Variants in OSBPL10 observed in about 807,000 individuals in gnomAD.
OSBPL10 encodes oxysterol binding protein like 10.
OSBPL10 carries 49 observed loss-of-function variants against 81.7 expected under a neutral mutation model. That is an observed-to-expected ratio of 0.60 (90% CI 0.48 to 0.76). The LOEUF is 0.76. Among genes scored for constraint, OSBPL10 ranks in the 30% least tolerant of loss-of-function variants. The pLI is 0.00. For missense variants in OSBPL10, 923 were observed against 987.8 expected (o/e 0.93, Z 0.88); for synonymous variants, 419 against 383.6 (o/e 1.09, Z -1.08).
chr3:31,802,273 T>C (rs1301340286), intron 4 of OSBPL10, among the ~76,000 whole-genome samples: 1 of 150,918 alleles, frequency 6.6e-6, no homozygotes, highest in East Asian at 2.0e-4. Context: ...AAGAATTCTC[T>C]GGGGCTGGGC....
chr3:31,799,693 A>G (rs1048866332), intron 4 of OSBPL10, among the ~76,000 whole-genome samples: 6 of 152,148 alleles, frequency 3.9e-5, no homozygotes, highest in African/African-American at 1.4e-4. Context: ...AACTTAACCT[A>G]TTTGCTTCAA....
chr3:31,917,363 A>G (rs937971568), intron 1 of OSBPL10, among the ~76,000 whole-genome samples: 3 of 152,142 alleles, frequency 2.0e-5, no homozygotes, highest in African/African-American at 7.2e-5. Context: ...GAAAAATGAA[A>G]AGAATAAATC....
At chr3:31,892,452 G>A (rs574090828) in intron 1 of OSBPL10, among the ~76,000 whole-genome samples, 39 of 152,250 alleles carry the variant, frequency 2.6e-4, no homozygotes, top group Admixed American at 2.2e-3. Flanking sequence ...GGTGGGAGCA[G>A]AGGGAGCAGA....
At chr3:31,992,189 AG>A in intron 2 of OSBPL10, among the ~76,000 whole-genome samples, 1 of 152,206 alleles carries the variant, frequency 6.6e-6, no homozygotes, top group Middle Eastern at 3.4e-3. Flanking sequence ...GTAGGCAAAA[AG>A]TATGGACACA....
At chr3:31,903,923 G>C (rs988394999) in intron 1 of OSBPL10, among the ~76,000 whole-genome samples, 1 of 152,162 alleles carries the variant, frequency 6.6e-6, no homozygotes, top group African/African-American at 2.4e-5. Context: ...AGTCAAGGTG[G>C]ATTTCTACTA....
At chr3:31,836,790 C>T (rs1700366300) in intron 3 of OSBPL10, among the ~76,000 whole-genome samples, 2 of 152,162 alleles carry the variant, frequency 1.3e-5, no homozygotes, top group Non-Finnish European at 2.9e-5. Flanking sequence ...CCATCCACAC[C>T]ATTTGCTTGG....
chr3:31,848,345 C>G (rs1035795694), intron 3 of OSBPL10, among the ~76,000 whole-genome samples: 2 of 151,590 alleles, frequency 1.3e-5, no homozygotes, highest in Non-Finnish European at 2.9e-5. Context: ...ACAAGCCCCC[C>G]CCAGTTAGTT....
In OSBPL10 at chr3:31,826,742, C is replaced by T. The variant is rs558278539; in HGVS notation, c.729+3298G>A. 1.3e-4 allele frequency among the ~76,000 whole-genome samples: 20 copies of T among 152,266 alleles called. No homozygotes were observed. In the South Asian group the frequency reaches 3.3e-3, roughly 25 times the overall value. ...CTTTATGCTCTGAAATTAATAACTGCGGAACTTTCTACTATGAGTGCAATT... is the reference window on the plus strand; with the variant it reads ...CTTTATGCTCTGAAATTAATAACTGTGGAACTTTCTACTATGAGTGCAATT... On this transcript the variant is annotated intron_variant, in intron 4 of 11. Transcript: ENST00000396556.
intron 1 of OSBPL10, among the ~76,000 whole-genome samples, chr3:31,914,814 C>G (rs1409684386): frequency 6.6e-6 from 1 of 152,178 alleles, no homozygotes; most frequent in Non-Finnish European, 1.5e-5. Flanking sequence ...TTCAAGCACT[C>G]AATAGCCACA....
At chr3:31,858,836 G>T (rs1470780775) in intron 3 of OSBPL10, among the ~76,000 whole-genome samples, 1 of 152,116 alleles carries the variant, frequency 6.6e-6, no homozygotes, top group Non-Finnish European at 1.5e-5. Context: ...AAACTTTTAG[G>T]GGGAAAGTCA....
chr3:31,683,617 C>A lies in OSBPL10; in HGVS notation c.1726+17G>T, dbSNP rs766225348. 2 of 1,599,660 alleles carry A rather than the reference C, an allele frequency of 1.3e-6. No homozygotes were observed. Among genetic ancestry groups the A allele is most frequent in the Non-Finnish European group, 1.7e-6 (2 of 1,169,068 alleles). ...TCACTGTGTAAGAGCCAAACTCCAA[C>A]ATACGACATGGCTTACCTTCCCCTA... On this transcript the variant is annotated intron_variant, in intron 8 of 11. Transcript: ENST00000396556.
chr3:31,834,560 C>T (rs1700323426), intron 3 of OSBPL10, among the ~76,000 whole-genome samples: 1 of 152,210 alleles, frequency 6.6e-6, no homozygotes, highest in Non-Finnish European at 1.5e-5. Context: ...TCCCTACATT[C>T]TCATTGAATG....
chr3:31,728,599 G>C (rs78049481), intron 6 of OSBPL10, among the ~76,000 whole-genome samples: 6,025 of 152,254 alleles, frequency 0.04, 410 homozygotes, highest in African/African-American at 0.14. Flanking sequence ...GCCTTAGAAT[G>C]ATTCACATAA....
At chr3:31,912,547 G>T (rs1473608525) in intron 1 of OSBPL10, among the ~76,000 whole-genome samples, 3 of 152,066 alleles carry the variant, frequency 2.0e-5, no homozygotes, top group Non-Finnish European at 4.4e-5. Context: ...GTAAGTTAAG[G>T]CACCCAAGAA....
Position 31,664,143 on chromosome 3 carries a change from C to A in OSBPL10, c.2186G>T (p.Arg729Leu). Reference protein sequence around the residue: ...EQKRHLEEKQRVEERKRENLR... With the variant: ...EQKRHLEEKQLVEERKRENLR... ...GTTCTCGCGCTTCCGTTCCTCCACCCGTTGCTTCTCCTCCAGGTGCCGCTT... is the reference window on the plus strand; with the variant it reads ...GTTCTCGCGCTTCCGTTCCTCCACCAGTTGCTTCTCCTCCAGGTGCCGCTT... Residue 729 changes from arginine to leucine, a missense_variant, in exon 11 of 12, where the codon CGG (arginine) becomes CTG (leucine). Transcript: ENST00000396556. The A allele has an allele frequency of 6.2e-7, 1 of 1,613,914 alleles. No individual in the cohort carries two copies. The highest frequency in any genetic ancestry group is 8.5e-7 in the Non-Finnish European group (1 of 1,180,026).
At chr3:31,796,559 C>G (rs1699217505) in intron 4 of OSBPL10, among the ~76,000 whole-genome samples, 1 of 152,120 alleles carries the variant, frequency 6.6e-6, no homozygotes, top group African/African-American at 2.4e-5. Flanking sequence ...TGCCCCTTTC[C>G]TCTATAAGTC....
chr3:32,060,438 C>A lies in OSBPL10; in HGVS notation n.186-13835G>T, dbSNP rs568525496. Among the ~76,000 whole-genome samples the A allele has an allele frequency of 2.2e-3, 341 of 152,300 alleles. 3 individuals are homozygous for A. Among genetic ancestry groups the A allele is most frequent in the African/African-American group, 7.8e-3 (325 of 41,548 alleles). Reference sequence around the variant, plus strand: ...TTCTCAACTTCTTGTCCTTTCTTAACCCTGCTTAAATGCTCATATACCAAA... The same window carrying A: ...TTCTCAACTTCTTGTCCTTTCTTAAACCTGCTTAAATGCTCATATACCAAA... On this transcript the variant is annotated intron_variant and non_coding_transcript_variant, in intron 1 of 3. Transcript: ENST00000479173.
At chr3:32,012,319 A>T (rs967472772) in intron 2 of OSBPL10, among the ~76,000 whole-genome samples, 4 of 152,238 alleles carry the variant, frequency 2.6e-5, no homozygotes, top group African/African-American at 9.6e-5. Flanking sequence ...TTTTCAACCC[A>T]GAATTTCATA....
At chr3:32,010,638 C>T (rs1201448389) in intron 2 of OSBPL10, among the ~76,000 whole-genome samples, 2 of 152,130 alleles carry the variant, frequency 1.3e-5, no homozygotes, top group African/African-American at 2.4e-5. Context: ...CGAAGCAGGG[C>T]GAGGCATCAC....
Sources: gnomAD v4.1 joint callset for allele counts (sites outside exome capture counted in the v4.1 genomes callset) on GRCh38, gnomAD v4.1.1 for gene constraint, MANE v1.5 for transcripts, NCBI Gene and HGNC (gene_info 2026-07-23, HGNC 2026-07-21) for gene names.